Variants in ALDH9A1 observed in about 807,000 individuals in gnomAD.
ALDH9A1 encodes aldehyde dehydrogenase 9 family member A1.
Under a neutral mutation model 56.6 loss-of-function variants are expected in ALDH9A1, and 42 were observed. That is an observed-to-expected ratio of 0.74 (90% confidence interval 0.58 to 0.96). The LOEUF (loss-of-function observed/expected upper bound fraction) is 0.96. ALDH9A1 is among the 40% of genes least tolerant of loss of function. The pLI is 0.00. For missense variants in ALDH9A1, 661 were observed against 651.5 expected, an observed-to-expected ratio of 1.01 and a Z score of -0.16; for synonymous variants, 242 against 236.0, an observed-to-expected ratio of 1.03 and a Z score of -0.23.
chr1:165,666,933 A>G (rs1189541269), intron 9 of ALDH9A1, among the ~76,000 whole-genome samples: 2 of 152,218 alleles, frequency 1.3e-5, no homozygotes, highest in Non-Finnish European at 2.9e-5. Context: ...ATGCATTCCA[A>G]TTAGGAACTA....
intron 6 of ALDH9A1, 61 bp downstream of exon 6, chr1:165,679,381 C>A: frequency 4.4e-6 from 7 of 1,574,400 alleles, no homozygotes; most frequent in Non-Finnish European, 6.1e-6. Context: ...AGCTTTAAAA[C>A]ACACTGTTGG....
chr1:165,687,141 G>C (rs984111301), intron 2 of ALDH9A1, among the ~76,000 whole-genome samples: 3 of 151,890 alleles, frequency 2.0e-5, no homozygotes, highest in African/African-American at 7.3e-5. Flanking sequence ...CACACACACA[G>C]GGGGTGGGAG....
chr1:165,698,167 T>A, intron 1 of ALDH9A1: 27 of 1,305,808 alleles, frequency 2.1e-5, no homozygotes, highest in Non-Finnish European at 2.5e-5. Flanking sequence ...ACGCAACTCA[T>A]CAGCTTTGCT....
intron 6 of ALDH9A1, among the ~76,000 whole-genome samples, chr1:165,674,034 T>C (rs1649263651): frequency 6.6e-6 from 1 of 152,118 alleles, no homozygotes; most frequent in Non-Finnish European, 1.5e-5. Context: ...AAGATGGTGA[T>C]GAGTGACCGC....
chr1:165,669,234 C>T (rs772981793), intron 7 of ALDH9A1, 28 bp downstream of exon 7: 1 of 1,573,350 alleles, frequency 6.4e-7, no homozygotes, highest in South Asian at 1.2e-5. Context: ...TCTTCCCCAA[C>T]CCCACCCTAC....
intron 6 of ALDH9A1, among the ~76,000 whole-genome samples, chr1:165,670,652 G>T (rs1276908539): frequency 6.6e-6 from 1 of 151,962 alleles, no homozygotes; most frequent in Non-Finnish European, 1.5e-5. Context: ...CAGATAAAAG[G>T]CTATCATCAC....
intron 2 of ALDH9A1, among the ~76,000 whole-genome samples, chr1:165,686,399 G>GA: frequency 6.6e-6 from 1 of 152,054 alleles, no homozygotes; most frequent in South Asian, 2.1e-4. Context: ...GTGTGGAAGG[G>GA]AAAAGAGCTG....
chr1:165,695,496 T>TC (rs1258493035), intron 1 of ALDH9A1, 99 bp from the exon 2 acceptor site: 1 of 918,608 alleles, frequency 1.1e-6, no homozygotes, highest in East Asian at 4.8e-5. Flanking sequence ...TCTTTTTTTT[T>TC]TTTTTTTTTT....
chr1:165,665,322 T>C, intron 9 of ALDH9A1, 192 bp from the exon 10 acceptor site: 1 of 537,656 alleles, frequency 1.9e-6, no homozygotes, highest in Admixed American at 3.1e-5. Context: ...GCACATGGTA[T>C]CTTTAAAATA....
At chr1:165,694,759 C>A (rs756807758) in intron 2 of ALDH9A1, among the ~76,000 whole-genome samples, 66 of 152,082 alleles carry the variant, frequency 4.3e-4, no homozygotes, top group Non-Finnish European at 8.2e-4. Context: ...GAGTTCAAGA[C>A]CAGCCTGGCC....
intron 6 of ALDH9A1, 141 bp downstream of exon 6, chr1:165,679,301 A>C (rs1649467071): frequency 7.7e-6 from 7 of 904,428 alleles, no homozygotes; most frequent in Non-Finnish European, 1.1e-5. Context: ...ATCTGGTTCA[A>C]AGGTACATGG....
In ALDH9A1 at chr1:165,698,401, T is replaced by C; in HGVS notation, c.158A>G (p.Glu53Gly). Residue 53 changes from glutamate to glycine, a missense_variant, in exon 1 of 11, where the codon GAG (glutamate) becomes GGG (glycine). Physicochemically the swap from Glu to Gly is moderately conservative, Grantham distance 98. Coordinates refer to ENST00000354775, the MANE Select transcript of ALDH9A1 (RefSeq NM_000696.4). ...RVEPADASGTEKAFEPATGRV... is the reference protein window; with the variant it reads ...RVEPADASGTGKAFEPATGRV... ...ACCGGTTGCTGGCTCGAAAGCTTTC[T>C]CGGTACCGGAGGCGTCCGCCGGCTC... is the stretch of plus-strand genomic sequence containing the variant. The C allele has an allele frequency of 6.3e-7, 1 of 1,596,474 alleles. No individual in the cohort carries two copies. The highest frequency in any genetic ancestry group is 8.5e-7 in the Non-Finnish European group (1 of 1,172,806).
chr1:165,676,909 T>C (rs1363566160), intron 6 of ALDH9A1: 1 of 221,100 alleles, frequency 4.5e-6, no homozygotes, highest in Non-Finnish European at 8.8e-6. Context: ...CCTAACTCAT[T>C]GTGTAATGTC....
At chr1:165,685,761 G>A (rs1261018874) in intron 2 of ALDH9A1, among the ~76,000 whole-genome samples, 1 of 152,190 alleles carries the variant, frequency 6.6e-6, no homozygotes, top group Non-Finnish European at 1.5e-5. Context: ...TTTTACCCAA[G>A]GATGTACCAT....
intron 6 of ALDH9A1, among the ~76,000 whole-genome samples, chr1:165,673,014 C>CAT (rs57524117): frequency 1.5e-5 from 2 of 134,506 alleles, no homozygotes; most frequent in South Asian, 2.4e-4. Context: ...CACACACACA[C>CAT]GGTTAAATTG....
chr1:165,672,449 A>C (rs1649207955), intron 6 of ALDH9A1, among the ~76,000 whole-genome samples: 1 of 152,246 alleles, frequency 6.6e-6, no homozygotes, highest in South Asian at 2.1e-4. Flanking sequence ...AAAGGTACGT[A>C]GAATAGTCAA....
chr1:165,686,053 A>G (rs1044968321), intron 2 of ALDH9A1, among the ~76,000 whole-genome samples: 2 of 152,184 alleles, frequency 1.3e-5, no homozygotes, highest in Non-Finnish European at 2.9e-5. Flanking sequence ...GAAAATATGG[A>G]AAAAAATGTT....
At chr1:165,666,963 C>G (rs1442753760) in intron 9 of ALDH9A1, among the ~76,000 whole-genome samples, 2 of 152,166 alleles carry the variant, frequency 1.3e-5, no homozygotes, top group Non-Finnish European at 2.9e-5. Flanking sequence ...CACTAAAAAT[C>G]ATGTTTTTGA....
At chr1:165,665,172 T>C (rs1648969627) in intron 9 of ALDH9A1, 42 bp from the exon 10 acceptor site, 1 of 1,524,638 alleles carries the variant, frequency 6.6e-7, no homozygotes. Flanking sequence ...GAGAGTTTCT[T>C]AGGCTACTAC....
Sources: allele counts gnomAD v4.1 joint callset (sites outside exome capture counted in the v4.1 genomes callset), GRCh38; gene constraint gnomAD v4.1.1; transcripts MANE v1.5; gene names NCBI Gene and HGNC (gene_info 2026-07-23, HGNC 2026-07-21).